TAFA2: variants seen among roughly 807,000 people sequenced by gnomAD.
The protein encoded by TAFA2 is TAFA chemokine like family member 2.
Under a neutral mutation model 18.8 loss-of-function variants are expected in TAFA2, and 7 were observed. That is an observed-to-expected ratio of 0.37 (90% CI 0.21 to 0.70). The LOEUF (loss-of-function observed/expected upper bound fraction) is 0.70, where lower values mean the gene tolerates loss of function less well. Among genes scored for constraint, TAFA2 ranks in the 30% least tolerant of loss-of-function variants. TAFA2 has a pLI of 0.53. For missense variants in TAFA2, 122 were observed against 158.1 expected (o/e 0.77, Z 1.23); for synonymous variants, 60 against 54.2 (o/e 1.11, Z -0.47).
intron 1 of TAFA2, among the ~76,000 whole-genome samples, chr12:62,063,069 C>T (rs1275512811): frequency 6.6e-6 from 1 of 151,930 alleles, no homozygotes; most frequent in African/African-American, 2.4e-5. Context: ...TCTCAATACC[C>T]CTACTCTTGA....
chr12:62,069,106 T>C (rs1316382268), intron 1 of TAFA2, among the ~76,000 whole-genome samples: 3 of 152,144 alleles, frequency 2.0e-5, no homozygotes, highest in African/African-American at 7.2e-5. Context: ...GAGGATTTAT[T>C]TATGTGATCT....
chr12:62,078,189 C>G (rs373135048), intron 1 of TAFA2, among the ~76,000 whole-genome samples: 1 of 152,114 alleles, frequency 6.6e-6, no homozygotes, highest in African/African-American at 2.4e-5. Flanking sequence ...ACCCAAGTCA[C>G]GTAGCAGAAA....
intron 1 of TAFA2, among the ~76,000 whole-genome samples, chr12:62,134,398 T>C (rs191200179): frequency 1.3e-5 from 2 of 151,790 alleles, no homozygotes; most frequent in Non-Finnish European, 2.9e-5. Context: ...TCTCTTTCCC[T>C]CTCTCTCTCC....
chr12:61,837,213 A>C (rs1872970210), intron 2 of TAFA2, among the ~76,000 whole-genome samples: 1 of 152,090 alleles, frequency 6.6e-6, no homozygotes, highest in Admixed American at 6.6e-5. Flanking sequence ...TAGAATCAAA[A>C]ATTCTATATG....
intron 1 of TAFA2, among the ~76,000 whole-genome samples, chr12:61,966,570 T>G (rs71465126): frequency 6.6e-6 from 1 of 151,924 alleles, no homozygotes; most frequent in Non-Finnish European, 1.5e-5. Flanking sequence ...TCTGTTATTG[T>G]TGTTGTTTTT....
upstream of TAFA2, among the ~76,000 whole-genome samples, chr12:62,196,625 TAA>T (rs1213582615): frequency 1.3e-5 from 2 of 152,138 alleles, no homozygotes; most frequent in Non-Finnish European, 2.9e-5. Context: ...ATTTATTAAT[TAA>T]GTTTGCCATC....
Position 62,005,811 on chromosome 12 carries a change from A to G in TAFA2, c.-1-138385T>C, listed in dbSNP as rs576337112. 5.3e-5 allele frequency among the ~76,000 whole-genome samples: 8 copies of G among 152,286 alleles called. No individual in the cohort carries two copies. The East Asian group carries it at 1.3e-3, about 26-fold the overall frequency. The stretch of plus-strand genomic sequence containing the variant: ...AGACAGTTCATTTGCCCTAAGTTGC[A>G]CAAATAGTAAGTGATGCAACTCAAG... On this transcript the variant is annotated intron_variant, in intron 1 of 4. Transcript: ENST00000416284.
chr12:61,934,063 C>T (rs561340505), intron 1 of TAFA2, among the ~76,000 whole-genome samples: 12 of 152,270 alleles, frequency 7.9e-5, no homozygotes, highest in South Asian at 2.1e-4. Context: ...GCCTCATTTT[C>T]GTTGTATATC....
At chr12:62,134,070 T>C (rs1870796662) in intron 1 of TAFA2, among the ~76,000 whole-genome samples, 1 of 151,794 alleles carries the variant, frequency 6.6e-6, no homozygotes, top group Non-Finnish European at 1.5e-5. Context: ...CAAAGAATAT[T>C]TCATCTGCTT....
intron 4 of TAFA2, among the ~76,000 whole-genome samples, chr12:61,722,171 A>C (rs1045044619): frequency 6.6e-6 from 1 of 152,224 alleles, no homozygotes; most frequent in Non-Finnish European, 1.5e-5. Flanking sequence ...TTAAAAGTAA[A>C]GTAAAGCACT....
intron 1 of TAFA2, among the ~76,000 whole-genome samples, chr12:62,203,483 T>C (rs764206465): frequency 6.6e-6 from 1 of 152,234 alleles, no homozygotes; most frequent in Non-Finnish European, 1.5e-5. Context: ...AGTCTCTATG[T>C]AGGTCTCTAA....
intron 1 of TAFA2, among the ~76,000 whole-genome samples, chr12:62,043,014 T>C (rs1397574097): frequency 6.6e-6 from 1 of 152,184 alleles, no homozygotes; most frequent in Non-Finnish European, 1.5e-5. Flanking sequence ...GGGATAGAGA[T>C]GTCAGCCACA....
intron 1 of TAFA2, among the ~76,000 whole-genome samples, chr12:61,976,391 T>C (rs1489070098): frequency 6.6e-6 from 1 of 151,876 alleles, no homozygotes; most frequent in East Asian, 1.9e-4. Context: ...ATTTCTGGAT[T>C]TCACAATACA....
chr12:61,982,876 C>CAAAGAAAAAAAAAAAAA (rs1879684742), intron 1 of TAFA2, among the ~76,000 whole-genome samples: 1 of 101,596 alleles, frequency 9.8e-6, no homozygotes, highest in Non-Finnish European at 2.0e-5. Flanking sequence ...AAGTGGAAGG[C>CAAAGAAAAAAAAAAAAA]AAAAAAAAAA....
chr12:62,049,905 C>T (rs1227579931), intron 1 of TAFA2, among the ~76,000 whole-genome samples: 1 of 152,158 alleles, frequency 6.6e-6, no homozygotes, highest in Non-Finnish European at 1.5e-5. Flanking sequence ...GAAAGTGTTG[C>T]TACCAATTGT....
chr12:61,827,573 T>A (rs925253923), intron 2 of TAFA2, among the ~76,000 whole-genome samples: 8 of 151,970 alleles, frequency 5.3e-5, no homozygotes, highest in African/African-American at 1.9e-4. Context: ...TTTAACTGAA[T>A]AAGCAGTAGT....
intron 1 of TAFA2, among the ~76,000 whole-genome samples, chr12:62,245,718 T>C (rs1456433705): frequency 7.0e-6 from 1 of 143,754 alleles, no homozygotes; most frequent in Admixed American, 6.9e-5. Flanking sequence ...ATATATTTTA[T>C]TTATAATACA....
rs535694401 is a variant in TAFA2 at position 62,063,578 on chromosome 12, C to T, written c.-2+127681G>A. On this transcript the variant is annotated intron_variant, in intron 1 of 4. Coordinates refer to ENST00000416284, the MANE Select transcript of TAFA2 (RefSeq NM_178539.5). ...GATAGAAAGGCAGATACAGAGACAC[C>T]GAAGTGTTCATCTTAATGATTAACC... is the stretch of plus-strand genomic sequence containing the variant. Among the ~76,000 whole-genome samples the T allele has an allele frequency of 8.5e-5, 13 of 152,130 alleles. No homozygotes were observed. The South Asian group carries it at 2.7e-3, about 32-fold the overall frequency.
intron 1 of TAFA2, among the ~76,000 whole-genome samples, chr12:62,169,810 C>T (rs953627004): frequency 1.4e-5 from 2 of 138,908 alleles, no homozygotes; most frequent in African/African-American, 5.5e-5. Flanking sequence ...GAGATCACGC[C>T]ACTACACTCC....
Sources: gnomAD v4.1 joint callset for allele counts (sites outside exome capture counted in the v4.1 genomes callset) on GRCh38, gnomAD v4.1.1 for gene constraint, MANE v1.5 for transcripts, NCBI Gene and HGNC (gene_info 2026-07-23, HGNC 2026-07-21) for gene names.